Variants in ZCCHC17 observed in about 807,000 individuals in gnomAD.
ZCCHC17 encodes the protein zinc finger CCHC domain-containing protein 17.
ZCCHC17 carries 18 observed loss-of-function variants against 30.6 expected under a neutral mutation model. The ratio of observed to expected loss-of-function variants is 0.59; its 90% CI spans 0.41 to 0.87. ZCCHC17 has a LOEUF of 0.87. ZCCHC17 is among the 40% of genes least tolerant of loss of function. The probability of loss-of-function intolerance (pLI) is 0.00; values close to 1 mark genes in which losing one functional copy is unlikely to be tolerated. For missense variants in ZCCHC17, 263 were observed against 284.2 expected (o/e 0.93, Z 0.54); for synonymous variants, 88 against 92.4 (o/e 0.95, Z 0.27).
At chr1:31,363,894 C>A in intron 7 of ZCCHC17, 138 bp from the exon 8 acceptor site, 1 of 1,375,368 alleles carries the variant, frequency 7.3e-7, no homozygotes, top group African/African-American at 1.5e-5. Context: ...AACTCCTGGC[C>A]TCAAGCATTC....
intron 1 of ZCCHC17, among the ~76,000 whole-genome samples, chr1:31,298,106 A>C (rs1231518847): frequency 1.3e-5 from 2 of 152,102 alleles, no homozygotes; most frequent in African/African-American, 4.8e-5. Context: ...ATGTATGTGG[A>C]CCACTTGGGA....
intron 4 of ZCCHC17, among the ~76,000 whole-genome samples, chr1:31,338,549 T>C (rs1420025334): frequency 6.6e-6 from 1 of 152,194 alleles, no homozygotes; most frequent in African/African-American, 2.4e-5. Context: ...GACAAATGTC[T>C]TCATGCTTAA....
intron 3 of ZCCHC17, among the ~76,000 whole-genome samples, chr1:31,328,697 A>G (rs990555907): frequency 2.0e-5 from 3 of 152,004 alleles, no homozygotes; most frequent in East Asian, 1.9e-4. Flanking sequence ...GGATCGGGTA[A>G]GGTGTGGTGG....
chr1:31,333,412 A>T (rs995699699), intron 3 of ZCCHC17, among the ~76,000 whole-genome samples: 3 of 152,038 alleles, frequency 2.0e-5, no homozygotes, highest in Non-Finnish European at 4.4e-5. Flanking sequence ...AATCGCAGCT[A>T]CTCGGGAGGC....
chr1:31,339,034 C>T lies in ZCCHC17; in HGVS notation c.303C>T (p.Asn101=), dbSNP rs751790597. Residue 101 remains asparagine (N), a synonymous_variant, in exon 5 of 8, where the codon AAC becomes AAT. Transcript: ENST00000344147. ...NQGTGKDLDP[N]NVIIEQEERR... ...GGACTGGGAAAGACCTTGATCCCAACAATGTTATCATTGAGTAAGTAAAAG... is the reference window on the plus strand; with the variant it reads ...GGACTGGGAAAGACCTTGATCCCAATAATGTTATCATTGAGTAAGTAAAAG... 6.2e-7 allele frequency: 1 copy of T among 1,609,262 alleles called. No homozygotes were observed. Among genetic ancestry groups the T allele is most frequent in the South Asian group, 1.1e-5 (1 of 89,854 alleles).
At chr1:31,361,401 A>G (rs1260758387) in intron 7 of ZCCHC17, among the ~76,000 whole-genome samples, 3 of 152,228 alleles carry the variant, frequency 2.0e-5, no homozygotes, top group Non-Finnish European at 2.9e-5. Flanking sequence ...GTTAGTGCTT[A>G]TCTTGTTTAA....
intron 2 of ZCCHC17, among the ~76,000 whole-genome samples, chr1:31,317,647 T>A (rs1270414210): frequency 6.6e-6 from 1 of 152,112 alleles, no homozygotes. Context: ...TTTTTAAAGC[T>A]TTTTTAGAGA....
intron 3 of ZCCHC17, among the ~76,000 whole-genome samples, chr1:31,328,528 A>G (rs1281806227): frequency 6.7e-6 from 1 of 149,886 alleles, no homozygotes; most frequent in Non-Finnish European, 1.5e-5. Flanking sequence ...AAATAAATAA[A>G]TAAAAATTAA....
chr1:31,362,695 G>T (rs1339823510), intron 7 of ZCCHC17, among the ~76,000 whole-genome samples: 2 of 152,188 alleles, frequency 1.3e-5, no homozygotes, highest in African/African-American at 2.4e-5. Flanking sequence ...GGATCTAATA[G>T]AAACCAGAAT....
At chr1:31,314,672 A>G (rs1646687647) in intron 2 of ZCCHC17, among the ~76,000 whole-genome samples, 1 of 152,140 alleles carries the variant, frequency 6.6e-6, no homozygotes, top group East Asian at 1.9e-4. Context: ...GCAATTGTAC[A>G]TAAATGTGTG....
In ZCCHC17 at chr1:31,323,852, A is replaced by G. The variant is rs193059927; in HGVS notation, c.124+4686A>G. ...AATTTCACAGACTTTGGCAATGCCT[A>G]TTAACATCTTTTATGTGCTTATTAC... On this transcript the variant is annotated intron_variant, in intron 3 of 7. Transcript: ENST00000344147. Among the ~76,000 whole-genome samples the G allele has an allele frequency of 3.9e-3, 590 of 152,374 alleles. 4 individuals carry two copies. Among genetic ancestry groups the G allele is most frequent in the Non-Finnish European group, 7.3e-3 (495 of 68,032 alleles).
At chr1:31,298,739 C>A (rs1486192798) in intron 1 of ZCCHC17, among the ~76,000 whole-genome samples, 1 of 152,104 alleles carries the variant, frequency 6.6e-6, no homozygotes. Flanking sequence ...TCATGACATC[C>A]AAGAGGCAGT....
chr1:31,349,415 C>T (rs1298970009), intron 7 of ZCCHC17, among the ~76,000 whole-genome samples: 1 of 152,160 alleles, frequency 6.6e-6, no homozygotes, highest in African/African-American at 2.4e-5. Flanking sequence ...AGTGTAACCT[C>T]TGCCTCCCAG....
At chr1:31,353,409 C>T (rs1639537225) in intron 7 of ZCCHC17, among the ~76,000 whole-genome samples, 1 of 151,972 alleles carries the variant, frequency 6.6e-6, no homozygotes, top group Non-Finnish European at 1.5e-5. Context: ...TAACATTTAC[C>T]ATCTTAACTA....
At chr1:31,313,068 C>CTTTTTT (rs59004055) in intron 2 of ZCCHC17, among the ~76,000 whole-genome samples, 17 of 113,500 alleles carry the variant, frequency 1.5e-4, no homozygotes, top group Non-Finnish European at 1.9e-4. Context: ...CACTGGGCCT[C>CTTTTTT]TTTTTTTTTT....
At chr1:31,306,193 T>C (rs1321314856) in intron 1 of ZCCHC17, among the ~76,000 whole-genome samples, 2 of 151,656 alleles carry the variant, frequency 1.3e-5, no homozygotes, top group Non-Finnish European at 2.9e-5. Context: ...AGCATACAAT[T>C]TTTTTTTTCC....
At chr1:31,345,181 G>C (rs4514283) in intron 5 of ZCCHC17, among the ~76,000 whole-genome samples, 82,054 of 151,062 alleles carry the variant, frequency 0.54, 23,163 homozygotes, top group Non-Finnish European at 0.62. Context: ...TTTTGAGACA[G>C]AGTCTCGCTC....
At chr1:31,299,424 T>G (rs1646252194) in intron 1 of ZCCHC17, among the ~76,000 whole-genome samples, 1 of 152,200 alleles carries the variant, frequency 6.6e-6, no homozygotes, top group African/African-American at 2.4e-5. Context: ...TCAAGACACA[T>G]TCTAACCTCT....
chr1:31,303,762 T>C (rs1366374432), intron 1 of ZCCHC17, among the ~76,000 whole-genome samples: 1 of 152,216 alleles, frequency 6.6e-6, no homozygotes, highest in Non-Finnish European at 1.5e-5. Flanking sequence ...CTGAAAACTT[T>C]TTTTCCTACA....
Sources: allele counts gnomAD v4.1 joint callset (sites outside exome capture counted in the v4.1 genomes callset), GRCh38; gene constraint gnomAD v4.1.1; transcripts MANE v1.5; gene names NCBI Gene and HGNC (gene_info 2026-07-23, HGNC 2026-07-21).